CFAP299: variants seen among roughly 807,000 people sequenced by gnomAD.
CFAP299 encodes cilia- and flagella-associated protein 299.
Under a neutral mutation model 27.0 loss-of-function variants are expected in CFAP299, and 21 were observed. The observed-to-expected ratio is 0.78, with a 90% CI of 0.55 to 1.12. The LOEUF is 1.12. Among genes scored for constraint, CFAP299 ranks in the 50% most tolerant of loss-of-function variants. CFAP299 has a pLI of 0.00. For synonymous variants in CFAP299, 104 were observed against 98.1 expected, an observed-to-expected ratio of 1.06 and a Z score of -0.36; for missense variants, 310 against 276.6, an observed-to-expected ratio of 1.12 and a Z score of -0.86.
At chr4:80,563,181 A>C (rs1228235957) in intron 2 of CFAP299, among the ~76,000 whole-genome samples, 1 of 152,132 alleles carries the variant, frequency 6.6e-6, no homozygotes, top group Non-Finnish European at 1.5e-5. Context: ...CTTAATCTGC[A>C]GGATAGCCCA....
intron 3 of CFAP299, among the ~76,000 whole-genome samples, chr4:80,628,941 C>A (rs1192975558): frequency 1.3e-5 from 2 of 152,114 alleles, no homozygotes; most frequent in Non-Finnish European, 2.9e-5. Flanking sequence ...ATAAAACTGC[C>A]ATATAATCCA....
rs866605036 is a variant in CFAP299 at position 80,504,697 on chromosome 4, C to T, written c.243-78396C>T. Among the ~76,000 whole-genome samples, 18 of 147,350 alleles carry T rather than the reference C, an allele frequency of 1.2e-4. No homozygotes were observed. In the South Asian group the frequency reaches 3.6e-3, roughly 30 times the overall value. On this transcript the variant is annotated intron_variant, in intron 2 of 5. Transcript: ENST00000358105. Reference sequence around the variant, plus strand: ...CAAGAATGGGGGATTAAAAAAAACACTGTAGAAGTGAGCGATTATGTGGCA... The same window carrying T: ...CAAGAATGGGGGATTAAAAAAAACATTGTAGAAGTGAGCGATTATGTGGCA...
At position 80,390,730 on chromosome 4, in the gene CFAP299, T is replaced by TATATGTATATATGTATATACACACAC. The variant is rs1560543525; in HGVS notation, c.242+27865_242+27866insCACACACATATGTATATATGTATATA. ...ATATATGTATACACACATACATGTA[T>TATATGTATATATGTATATACACACAC]ATATGTATATATGTATATATACACA... On this transcript the variant is annotated intron_variant, in intron 2 of 5. Transcript: ENST00000358105. 2.5e-3 allele frequency among the ~76,000 whole-genome samples: 353 copies of TATATGTATATATGTATATACACACAC among 142,926 alleles called. 2 individuals are homozygous for TATATGTATATATGTATATACACACAC. The highest frequency in any genetic ancestry group is 8.7e-3 in the African/African-American group (333 of 38,098). The allele number at this position is 142,926 out of a possible 152,430, so 93.8% of individuals were successfully genotyped here. A position where few individuals can be genotyped will look rare whatever the true frequency, so the allele number is the denominator to read the frequency against.
At chr4:80,386,408 G>A (rs1724996948) in intron 2 of CFAP299, 1 of 1,542,364 alleles carries the variant, frequency 6.5e-7, no homozygotes, top group Non-Finnish European at 8.8e-7. Context: ...CAGCCCCTGT[G>A]TCCTTCATCT....
intron 2 of CFAP299, among the ~76,000 whole-genome samples, chr4:80,550,764 CA>C (rs1478035034): frequency 9.1e-5 from 12 of 131,480 alleles, no homozygotes; most frequent in Non-Finnish European, 1.6e-5. Context: ...ACTCAAAACA[CA>C]CACACACACA....
intron 5 of CFAP299, among the ~76,000 whole-genome samples, chr4:80,958,251 A>G (rs1184271100): frequency 2.6e-5 from 4 of 152,176 alleles, no homozygotes; most frequent in Admixed American, 2.6e-4. Flanking sequence ...CTTTGTAAAT[A>G]CTACCTCCAT....
intron 2 of CFAP299, among the ~76,000 whole-genome samples, chr4:80,364,683 A>G (rs944475438): frequency 6.6e-6 from 1 of 152,162 alleles, no homozygotes; most frequent in Non-Finnish European, 1.5e-5. Context: ...GGTTTGTTGC[A>G]CAGGTCATCC....
intron 1 of CFAP299, among the ~76,000 whole-genome samples, chr4:80,349,207 A>C (rs1722904820): frequency 6.6e-6 from 1 of 152,196 alleles, no homozygotes; most frequent in Non-Finnish European, 1.5e-5. Context: ...TAAGGAAGAG[A>C]GCCTCCAAAA....
chr4:80,860,394 T>G (rs960004184), intron 3 of CFAP299, among the ~76,000 whole-genome samples: 2 of 152,218 alleles, frequency 1.3e-5, no homozygotes, highest in Non-Finnish European at 2.9e-5. Flanking sequence ...GTCTGAGGCC[T>G]TCTTCTCTCA....
At position 80,800,004 on chromosome 4, in the gene CFAP299, T is replaced by C. The variant is rs1293381223; in HGVS notation, c.334-69989T>C. Among the ~76,000 whole-genome samples, 99 of 60,380 alleles carry C rather than the reference T, an allele frequency of 1.6e-3. 1 individual carries two copies. Among genetic ancestry groups the C allele is most frequent in the African/African-American group, 6.8e-3 (96 of 14,092 alleles). The allele number at this position is 60,380 out of a possible 152,430, so 39.6% of individuals were successfully genotyped here. On this transcript the variant is annotated intron_variant, in intron 3 of 5. Coordinates refer to ENST00000358105, the MANE Select transcript of CFAP299 (RefSeq NM_152770.3). Reference sequence around the variant, plus strand: ...AATATATGTAATATATATTATGATATATAATAAGTAATATATATTATATAT... The same window carrying C: ...AATATATGTAATATATATTATGATACATAATAAGTAATATATATTATATAT...
Position 80,963,624 on chromosome 4 carries a change from T to G in CFAP299, c.*12T>G. On this transcript the variant is annotated 3_prime_UTR_variant, in exon 6 of 6. Coordinates refer to ENST00000358105, the MANE Select transcript of CFAP299 (RefSeq NM_152770.3). ...GAAGGAAGACTTAAGTACCAACATG[T>G]TAATTTCCTAATAATTTGCTAAATT... The G allele has an allele frequency of 6.6e-7, 1 of 1,515,692 alleles. No individual in the cohort carries two copies. The highest frequency in any genetic ancestry group is 9.1e-7 in the Non-Finnish European group (1 of 1,100,692). The allele number at this position is 1,515,692 out of a possible 1,614,324, so 93.9% of individuals were successfully genotyped here. A position where few individuals can be genotyped will look rare whatever the true frequency, so the allele number is the denominator to read the frequency against.
At chr4:80,486,914 G>T (rs187631481) in intron 2 of CFAP299, among the ~76,000 whole-genome samples, 209 of 152,314 alleles carry the variant, frequency 1.4e-3, no homozygotes, top group African/African-American at 4.7e-3. Context: ...TCCCAGGGTA[G>T]CCAAGAGATT....
At chr4:80,521,607 G>GCTC (rs1366278480) in intron 2 of CFAP299, among the ~76,000 whole-genome samples, 1 of 151,826 alleles carries the variant, frequency 6.6e-6, no homozygotes, top group African/African-American at 2.4e-5. Context: ...ATTGACAACA[G>GCTC]CTCACCACTT....
intron 3 of CFAP299, among the ~76,000 whole-genome samples, chr4:80,842,492 A>G (rs1578173782): frequency 6.6e-6 from 1 of 152,148 alleles, no homozygotes; most frequent in African/African-American, 2.4e-5. Flanking sequence ...TCTGTGATCA[A>G]TAAAATGGGG....
chr4:80,447,115 A>AT (rs1728653048), intron 2 of CFAP299, among the ~76,000 whole-genome samples: 3 of 91,716 alleles, frequency 3.3e-5, no homozygotes, highest in South Asian at 3.6e-4. Flanking sequence ...TTTGCTTTTT[A>AT]TTTGTTTTTT....
At chr4:80,926,776 G>C (rs558281051) in intron 4 of CFAP299, among the ~76,000 whole-genome samples, 16 of 152,210 alleles carry the variant, frequency 1.1e-4, no homozygotes, top group Admixed American at 7.2e-4. Flanking sequence ...ACAATGGAAA[G>C]AGTTCTGATA....
At chr4:80,870,181 C>G (rs556633253) in intron 4 of CFAP299, 46 bp downstream of exon 4, 5 of 1,546,480 alleles carry the variant, frequency 3.2e-6, no homozygotes, top group Non-Finnish European at 4.4e-6. Context: ...GGGACAAAGA[C>G]TTTTTATTTT....
At chr4:80,355,361 T>A (rs1723220070) in intron 1 of CFAP299, among the ~76,000 whole-genome samples, 1 of 144,158 alleles carries the variant, frequency 6.9e-6, no homozygotes, top group Non-Finnish European at 1.5e-5. Context: ...TTGCTTTTTT[T>A]TTTTTTTTTT....
intron 2 of CFAP299, among the ~76,000 whole-genome samples, chr4:80,551,148 A>C (rs1286887374): frequency 6.6e-6 from 1 of 152,176 alleles, no homozygotes; most frequent in Non-Finnish European, 1.5e-5. Flanking sequence ...ATTTTTAAAA[A>C]TCATTTAGTC....
Sources: allele counts gnomAD v4.1 joint callset (sites outside exome capture counted in the v4.1 genomes callset), GRCh38; gene constraint gnomAD v4.1.1; transcripts MANE v1.5; gene names NCBI Gene and HGNC (gene_info 2026-07-23, HGNC 2026-07-21).